Variants in TRIM71 observed in about 807,000 individuals in gnomAD.
TRIM71 encodes tripartite motif containing 71, also known as E3 ubiquitin-protein ligase TRIM71.
TRIM71 carries 9 observed loss-of-function variants against 61.2 expected under a neutral mutation model. The ratio of observed to expected loss-of-function variants is 0.15; its 90% CI spans 0.09 to 0.26. The LOEUF is 0.26. TRIM71 is among the 10% of genes least tolerant of loss of function. TRIM71 has a pLI of 1.00. For synonymous variants in TRIM71, 645 were observed against 553.2 expected (o/e 1.17, Z -2.33); for missense variants, 998 against 1,238.7 (o/e 0.81, Z 2.92).
At chr3:32,839,023 ACTC>A (rs1696372873) in intron 1 of TRIM71, among the ~76,000 whole-genome samples, 1 of 150,212 alleles carries the variant, frequency 6.7e-6, no homozygotes, top group Non-Finnish European at 1.5e-5. Flanking sequence ...CTGGTCTTGA[ACTC>A]CTGACCTCAG....
At chr3:32,858,738 A>G (rs1438715847) in intron 1 of TRIM71, among the ~76,000 whole-genome samples, 1 of 152,166 alleles carries the variant, frequency 6.6e-6, no homozygotes, top group African/African-American at 2.4e-5. Context: ...CATGTGTATC[A>G]CCTTTTCCTG....
intron 1 of TRIM71, among the ~76,000 whole-genome samples, chr3:32,854,560 CTTAG>C (rs1696575214): frequency 6.6e-6 from 1 of 152,112 alleles, no homozygotes; most frequent in Non-Finnish European, 1.5e-5. Flanking sequence ...TGGAAGGAAC[CTTAG>C]TTTGAATATC....
chr3:32,853,359 C>T (rs1351563045), intron 1 of TRIM71, among the ~76,000 whole-genome samples: 4 of 152,180 alleles, frequency 2.6e-5, no homozygotes, highest in Non-Finnish European at 5.9e-5. Flanking sequence ...CCTCGTGATC[C>T]GCCCACCTGA....
intron 2 of TRIM71, among the ~76,000 whole-genome samples, chr3:32,877,319 G>A (rs1013323745): frequency 1.3e-5 from 2 of 152,036 alleles, no homozygotes; most frequent in Non-Finnish European, 2.9e-5. Context: ...GGTCAGGCTG[G>A]TCTCGAACTC....
chr3:32,887,792 G>A (rs1036005859), intron 3 of TRIM71, among the ~76,000 whole-genome samples: 2 of 152,072 alleles, frequency 1.3e-5, no homozygotes, highest in Non-Finnish European at 2.9e-5. Flanking sequence ...CCCCACGTGG[G>A]CCTCTCCATA....
intron 1 of TRIM71, among the ~76,000 whole-genome samples, chr3:32,866,085 C>CA: frequency 6.6e-6 from 1 of 151,976 alleles, no homozygotes; most frequent in East Asian, 1.9e-4. Flanking sequence ...CTCAGCCTCC[C>CA]AAAGTGCTGG....
chr3:32,833,058 C>T (rs150593845), intron 1 of TRIM71, among the ~76,000 whole-genome samples: 17 of 151,516 alleles, frequency 1.1e-4, no homozygotes, highest in African/African-American at 4.1e-4. Context: ...ACCTGTCATC[C>T]CAGCTACTCG....
chr3:32,863,473 A>C (rs1452494243), intron 1 of TRIM71, among the ~76,000 whole-genome samples: 2 of 152,130 alleles, frequency 1.3e-5, no homozygotes, highest in East Asian at 3.9e-4. Flanking sequence ...GCATCAAGAT[A>C]TAGATTTTCT....
chr3:32,887,724 C>T lies in TRIM71; in HGVS notation c.1155+1656C>T, dbSNP rs1440037637. Reference sequence around the variant, plus strand: ...TGGGGTTAGCTGCATATATATAGTTCATGGGTAAGAACCAAAGGTGGAGGT... The same window carrying T: ...TGGGGTTAGCTGCATATATATAGTTTATGGGTAAGAACCAAAGGTGGAGGT... On this transcript the variant is annotated intron_variant, in intron 3 of 3. Coordinates refer to ENST00000383763, the MANE Select transcript of TRIM71 (RefSeq NM_001039111.3). 2.6e-5 allele frequency among the ~76,000 whole-genome samples: 4 copies of T among 152,018 alleles called. 1 individual carries two copies. The East Asian group carries it at 7.7e-4, about 29-fold the overall frequency.
rs150920220 is a variant in TRIM71 at position 32,867,171 on chromosome 3, A to ACC, written c.853-6642_853-6641dup. On this transcript the variant is annotated intron_variant, in intron 1 of 3. Coordinates refer to ENST00000383763, the MANE Select transcript of TRIM71 (RefSeq NM_001039111.3). ...GTTCTTGGACACTCCCACTTTTACC[A>ACC]CCCCCCTCCCCCTCCTCTTTTTTAG... 2.1e-3 allele frequency among the ~76,000 whole-genome samples: 312 copies of ACC among 148,416 alleles called. 1 individual carries two copies. The highest frequency in any genetic ancestry group is 7.0e-3 in the African/African-American group (281 of 40,106).
rs1325093161 is a variant in TRIM71 at position 32,893,803 on chromosome 3, C to CTCTG, written c.*1996_*1999dup. The stretch of plus-strand genomic sequence containing the variant: ...TTTAATTTACTACTACTACAAGCTA[C>CTCTG]TCTGTCTCTTCCCATTGCTTTAATT... On this transcript the variant is annotated 3_prime_UTR_variant, in exon 4 of 4. Transcript: ENST00000383763. 2 of 152,076 alleles carry CTCTG rather than the reference C, an allele frequency of 1.3e-5. No individual in the cohort carries two copies. The highest frequency in any genetic ancestry group is 3.8e-4 in the East Asian group (2 of 5,196). 9.4% of individuals were successfully genotyped at this position (152,076 alleles called of 1,614,324 possible).
chr3:32,859,713 C>A (rs146607993), intron 1 of TRIM71, among the ~76,000 whole-genome samples: 9 of 152,158 alleles, frequency 5.9e-5, no homozygotes, highest in African/African-American at 9.7e-5. Flanking sequence ...CCTGGCTTTC[C>A]AGGGGTCACT....
chr3:32,818,778 C>G lies in TRIM71; in HGVS notation c.698C>G (p.Thr233Ser), dbSNP rs1696093376. 2.5e-6 allele frequency: 4 copies of G among 1,608,284 alleles called. No individual in the cohort carries two copies. Among genetic ancestry groups the G allele is most frequent in the Non-Finnish European group, 3.4e-6 (4 of 1,178,526 alleles). Residue 233 changes from threonine to serine, a missense_variant, in exon 1 of 4, where the codon ACC becomes AGC. By Grantham distance (58) the Thr-to-Ser change is moderately conservative. Around this residue, in one of 5 missense-constraint regions of TRIM71, gnomAD observed 527 missense variants for 427.8 expected, o/e 1.23. Transcript: ENST00000383763. ...CGAGCGCACCAGCGCGTGCGCCTCA[C>G]CAAGGACCACTACATCGAGCGCGGC... ...CVRAHQRVRL[T>S]KDHYIERGPP...
intron 1 of TRIM71, among the ~76,000 whole-genome samples, chr3:32,843,195 A>T (rs1350728440): frequency 6.6e-6 from 1 of 152,130 alleles, no homozygotes; most frequent in African/African-American, 2.4e-5. Flanking sequence ...TCACCCTCCA[A>T]GGGAGCCCTC....
intron 3 of TRIM71, among the ~76,000 whole-genome samples, chr3:32,888,336 C>G (rs1046619266): frequency 6.7e-6 from 1 of 150,218 alleles, no homozygotes; most frequent in Non-Finnish European, 1.5e-5. Context: ...CAGTGACTCA[C>G]GCCTGTAATG....
At chr3:32,831,966 G>A (rs1393654454) in intron 1 of TRIM71, among the ~76,000 whole-genome samples, 1 of 152,178 alleles carries the variant, frequency 6.6e-6, no homozygotes, top group Non-Finnish European at 1.5e-5. Flanking sequence ...ATATTTGAAT[G>A]CCTGTTTCTG....
At chr3:32,822,523 A>G (rs1314952929) in intron 1 of TRIM71, among the ~76,000 whole-genome samples, 1 of 152,096 alleles carries the variant, frequency 6.6e-6, no homozygotes, top group African/African-American at 2.4e-5. Context: ...TGCTGTGTGA[A>G]TTTGTTTTGT....
chr3:32,882,442 A>G (rs781045768), intron 2 of TRIM71, among the ~76,000 whole-genome samples: 4 of 151,904 alleles, frequency 2.6e-5, no homozygotes, highest in Non-Finnish European at 5.9e-5. Flanking sequence ...ACCCTGTCAC[A>G]CTCTTGCCAT....
chr3:32,837,752 G>A (rs1696351036), intron 1 of TRIM71, among the ~76,000 whole-genome samples: 1 of 152,108 alleles, frequency 6.6e-6, no homozygotes, highest in African/African-American at 2.4e-5. Context: ...GCTTCAGTGA[G>A]CCGACATTAT....
Sources: gnomAD v4.1 joint callset for allele counts (sites outside exome capture counted in the v4.1 genomes callset) on GRCh38, gnomAD v4.1.1 for gene constraint, gnomAD v4.1.1 regional missense constraint, MANE v1.5 for transcripts, NCBI Gene and HGNC (gene_info 2026-07-23, HGNC 2026-07-21) for gene names.